The following PPM1L variants were observed in gnomAD, a reference collection of about 807,000 sequenced individuals.
PPM1L encodes protein phosphatase, Mg2+/Mn2+ dependent 1L.
A neutral mutation model predicts 31.4 loss-of-function variants in PPM1L; 13 were observed. That is an observed-to-expected ratio of 0.41 (90% CI 0.27 to 0.66). The LOEUF is 0.66. PPM1L is among the 30% of genes least tolerant of loss of function. PPM1L has a pLI of 0.29. For synonymous variants in PPM1L, 184 were observed against 175.4 expected, an observed-to-expected ratio of 1.05 and a Z score of -0.39; for missense variants, 326 against 453.7, an observed-to-expected ratio of 0.72 and a Z score of 2.56.
chr3:161,022,871 A>C (rs1224066169), intron 2 of PPM1L, among the ~76,000 whole-genome samples: 1 of 151,912 alleles, frequency 6.6e-6, no homozygotes, highest in Non-Finnish European at 1.5e-5. Flanking sequence ...TCACTGTGTT[A>C]GCCAGAATGG....
At chr3:160,913,849 C>T (rs922176205) in intron 1 of PPM1L, among the ~76,000 whole-genome samples, 11 of 151,946 alleles carry the variant, frequency 7.2e-5, no homozygotes, top group African/African-American at 2.4e-4. Context: ...CATTAATTTC[C>T]AGTTTTTGAC....
intron 1 of PPM1L, among the ~76,000 whole-genome samples, chr3:160,908,174 A>C (rs930959514): frequency 6.6e-6 from 1 of 152,206 alleles, no homozygotes; most frequent in Non-Finnish European, 1.5e-5. Flanking sequence ...TTCTACTCAA[A>C]TGGCCCCATA....
chr3:160,781,507 G>A (rs1321159312), intron 1 of PPM1L, among the ~76,000 whole-genome samples: 1 of 152,194 alleles, frequency 6.6e-6, no homozygotes, highest in African/African-American at 2.4e-5. Context: ...AAATGGCCTA[G>A]CTGCACAGAC....
chr3:160,936,593 T>C (rs73158217), intron 1 of PPM1L, among the ~76,000 whole-genome samples: 21,784 of 152,226 alleles, frequency 0.14, 2,199 homozygotes, highest in Non-Finnish European at 0.21. Context: ...TGTTTCTTAA[T>C]GTACTGTTTT....
intron 1 of PPM1L, among the ~76,000 whole-genome samples, chr3:160,795,535 G>A (rs1576641037): frequency 6.6e-6 from 1 of 152,180 alleles, no homozygotes; most frequent in East Asian, 1.9e-4. Flanking sequence ...TTGTGACTGT[G>A]ATCCGTAAGT....
intron 1 of PPM1L, among the ~76,000 whole-genome samples, chr3:160,864,287 A>T (rs1020163743): frequency 1.3e-5 from 2 of 151,936 alleles, no homozygotes; most frequent in African/African-American, 2.4e-5. Flanking sequence ...GGCTCAGGTG[A>T]TCCCCCGCTG....
At chr3:161,012,724 A>G (rs967299872) in intron 2 of PPM1L, among the ~76,000 whole-genome samples, 1 of 152,022 alleles carries the variant, frequency 6.6e-6, no homozygotes, top group African/African-American at 2.4e-5. Flanking sequence ...CAGCGATTCA[A>G]CTTCTTCCTG....
At chr3:160,854,689 A>G (rs1324990027) in intron 1 of PPM1L, among the ~76,000 whole-genome samples, 1 of 152,134 alleles carries the variant, frequency 6.6e-6, no homozygotes, top group Non-Finnish European at 1.5e-5. Flanking sequence ...ATTACAAAAC[A>G]CTGTTGAAAG....
intron 1 of PPM1L, among the ~76,000 whole-genome samples, chr3:160,827,350 CAAT>C (rs1194186512): frequency 6.6e-6 from 1 of 151,456 alleles, no homozygotes; most frequent in Non-Finnish European, 1.5e-5. Flanking sequence ...TTAAATTGAC[CAAT>C]AATATTTCTT....
intron 2 of PPM1L, among the ~76,000 whole-genome samples, chr3:160,963,836 G>A (rs1716049148): frequency 6.6e-6 from 1 of 151,960 alleles, no homozygotes; most frequent in African/African-American, 2.4e-5. Context: ...GGCTTTTAGG[G>A]GCAAATAGTT....
At chr3:160,987,440 A>G (rs1009847733) in intron 2 of PPM1L, among the ~76,000 whole-genome samples, 2 of 152,214 alleles carry the variant, frequency 1.3e-5, no homozygotes, top group Non-Finnish European at 2.9e-5. Flanking sequence ...CAAACTACAT[A>G]TATATTTCAC....
chr3:160,849,626 G>A (rs1256840489), intron 1 of PPM1L, among the ~76,000 whole-genome samples: 1 of 150,664 alleles, frequency 6.6e-6, no homozygotes, highest in Non-Finnish European at 1.5e-5. Flanking sequence ...CAGTTTCACT[G>A]TGTGAGCCAG....
At chr3:160,978,249 A>C (rs1716670623) in intron 2 of PPM1L, among the ~76,000 whole-genome samples, 1 of 152,088 alleles carries the variant, frequency 6.6e-6, no homozygotes, top group South Asian at 2.1e-4. Context: ...ACTTCCCTGA[A>C]TTTCTGGTTT....
intron 1 of PPM1L, among the ~76,000 whole-genome samples, chr3:160,857,936 G>A (rs1711768259): frequency 6.6e-6 from 1 of 152,178 alleles, no homozygotes; most frequent in Non-Finnish European, 1.5e-5. Flanking sequence ...GGGTGTGGAA[G>A]CCTTTTGCAG....
intron 2 of PPM1L, among the ~76,000 whole-genome samples, chr3:161,063,177 G>A (rs1189420501): frequency 6.6e-6 from 1 of 152,044 alleles, no homozygotes; most frequent in Non-Finnish European, 1.5e-5. Context: ...GGGACAAAGT[G>A]AGGATATGTT....
At chr3:160,772,880 G>GT (rs1158413850) in intron 1 of PPM1L, among the ~76,000 whole-genome samples, 1 of 151,866 alleles carries the variant, frequency 6.6e-6, no homozygotes, top group African/African-American at 2.4e-5. Flanking sequence ...ATTCATCCAT[G>GT]TTGTTCCACT....
rs1052504098 is a variant in PPM1L, at chr3:161,073,567, C to T, written c.*4410C>T. 5 of 150,958 alleles carry T rather than the reference C, an allele frequency of 3.3e-5. No individual in the cohort carries two copies. Among genetic ancestry groups the T allele is most frequent in the African/African-American group, 1.2e-4 (5 of 40,774 alleles). The allele number at this position is 150,958 out of a possible 1,614,324, so 9.4% of individuals were successfully genotyped here. A position where few individuals can be genotyped will look rare whatever the true frequency, so the allele number is the denominator to read the frequency against. On this transcript the variant is annotated 3_prime_UTR_variant, in exon 4 of 4. Coordinates refer to ENST00000498165, the MANE Select transcript of PPM1L (RefSeq NM_139245.4). ...TACTTAAAGCTCTAAACATCATCCC[C>T]CCCTTTTTTTTTTTAACGGAATCTC...
At chr3:160,954,855 G>GC (rs1553749419) in intron 1 of PPM1L, among the ~76,000 whole-genome samples, 2 of 150,968 alleles carry the variant, frequency 1.3e-5, no homozygotes, top group South Asian at 2.1e-4. Flanking sequence ...CTAGGCCAAT[G>GC]CTAGAAGAAT....
At chr3:160,978,916 A>G (rs1716703707) in intron 2 of PPM1L, among the ~76,000 whole-genome samples, 1 of 151,946 alleles carries the variant, frequency 6.6e-6, no homozygotes, top group African/African-American at 2.4e-5. Context: ...AAGCTCTTGT[A>G]TTGGACAGGA....
Sources: gnomAD v4.1 joint callset for allele counts (sites outside exome capture counted in the v4.1 genomes callset) on GRCh38, gnomAD v4.1.1 for gene constraint, MANE v1.5 for transcripts, NCBI Gene and HGNC (gene_info 2026-07-23, HGNC 2026-07-21) for gene names.